Variants in PLCXD3 observed in about 807,000 individuals in gnomAD.
PLCXD3 encodes phosphatidylinositol specific phospholipase C X domain containing 3.
In PLCXD3, 19 loss-of-function variants were observed where a neutral mutation model predicts 25.5. The ratio of observed to expected loss-of-function variants is 0.75; its 90% CI spans 0.52 to 1.09. PLCXD3 has a LOEUF of 1.09. Ranked by LOEUF, PLCXD3 falls within the 50% of genes least tolerant of loss-of-function variation. The pLI is 0.00. For synonymous variants in PLCXD3, 174 were observed against 137.6 expected, an observed-to-expected ratio of 1.26 and a Z score of -1.85; for missense variants, 411 against 388.1, an observed-to-expected ratio of 1.06 and a Z score of -0.50.
chr5:41,451,537 T>C (rs1747631230), intron 1 of PLCXD3, among the ~76,000 whole-genome samples: 1 of 151,962 alleles, frequency 6.6e-6, no homozygotes, highest in Non-Finnish European at 1.5e-5. Context: ...CCTAAATGTA[T>C]ATGCAGAGAG....
chr5:41,330,420 A>C (rs1030228924), intron 2 of PLCXD3, among the ~76,000 whole-genome samples: 1 of 152,268 alleles, frequency 6.6e-6, no homozygotes, highest in East Asian at 1.9e-4. Flanking sequence ...TCTGAATAGA[A>C]CAATAACAGG....
At chr5:41,473,148 T>G (rs1241082752) in intron 1 of PLCXD3, among the ~76,000 whole-genome samples, 1 of 152,112 alleles carries the variant, frequency 6.6e-6, no homozygotes, top group East Asian at 1.9e-4. Flanking sequence ...TGCCTGGTAT[T>G]AAAAATTAGC....
At chr5:41,467,433 CTTAT>C (rs1181319826) in intron 1 of PLCXD3, among the ~76,000 whole-genome samples, 4 of 151,974 alleles carry the variant, frequency 2.6e-5, no homozygotes, top group Non-Finnish European at 4.4e-5. Context: ...GTTTGAGTTT[CTTAT>C]TTTTTTGGAT....
intron 1 of PLCXD3, among the ~76,000 whole-genome samples, chr5:41,507,522 C>T (rs372109650): frequency 2.8e-4 from 43 of 152,294 alleles, no homozygotes; most frequent in African/African-American, 1.0e-3. Context: ...ACTCTGAAAC[C>T]ATTCAAACTG....
At chr5:41,483,939 T>TG (rs1748464358) in intron 1 of PLCXD3, among the ~76,000 whole-genome samples, 1 of 152,114 alleles carries the variant, frequency 6.6e-6, no homozygotes, top group Non-Finnish European at 1.5e-5. Flanking sequence ...ATCTTGGTAT[T>TG]CTCATACATA....
intron 2 of PLCXD3, among the ~76,000 whole-genome samples, chr5:41,315,525 G>A (rs1404781066): frequency 3.3e-5 from 5 of 152,080 alleles, no homozygotes; most frequent in African/African-American, 7.2e-5. Flanking sequence ...CAAGGTCATC[G>A]TCCTTCCTGC....
intron 1 of PLCXD3, among the ~76,000 whole-genome samples, chr5:41,424,804 T>G (rs865799630): frequency 6.6e-6 from 1 of 152,226 alleles, no homozygotes; most frequent in Non-Finnish European, 1.5e-5. Flanking sequence ...TATTTAAATA[T>G]GCTTCAAGTG....
In PLCXD3 at chr5:41,427,902, A is replaced by T. The variant is rs141686227; in HGVS notation, c.104-45368T>A. Among the ~76,000 whole-genome samples, 5 of 152,314 alleles carry T rather than the reference A, an allele frequency of 3.3e-5. No individual in the cohort carries two copies. The East Asian group carries it at 9.6e-4, about 29-fold the overall frequency. ...AGGCACATGGGAAACATATTTTTTA[A>T]TGTAATCAAAATCAGAACAGAAACA... On this transcript the variant is annotated intron_variant, in intron 1 of 2. Transcript: ENST00000377801.
At chr5:41,350,849 C>G (rs1744438342) in intron 2 of PLCXD3, among the ~76,000 whole-genome samples, 1 of 152,036 alleles carries the variant, frequency 6.6e-6, no homozygotes, top group Non-Finnish European at 1.5e-5. Context: ...CGTTTTATGT[C>G]TTTGTTTTTT....
At chr5:41,346,218 A>G (rs1186686313) in intron 2 of PLCXD3, among the ~76,000 whole-genome samples, 1 of 152,230 alleles carries the variant, frequency 6.6e-6, no homozygotes, top group East Asian at 1.9e-4. Flanking sequence ...TTACCCAGAA[A>G]GTACAGAGAG....
At chr5:41,328,706 C>T (rs1046860650) in intron 2 of PLCXD3, among the ~76,000 whole-genome samples, 1 of 152,130 alleles carries the variant, frequency 6.6e-6, no homozygotes, top group Non-Finnish European at 1.5e-5. Flanking sequence ...CAGAAAACCT[C>T]CCTCCTTCAA....
intron 1 of PLCXD3, among the ~76,000 whole-genome samples, chr5:41,489,923 G>T (rs1309249999): frequency 9.3e-4 from 141 of 151,874 alleles, no homozygotes; most frequent in African/African-American, 3.2e-3. Context: ...GAATACCCTT[G>T]ATTTCCTTCT....
chr5:41,373,594 C>A (rs976201331), intron 2 of PLCXD3, among the ~76,000 whole-genome samples: 6 of 152,120 alleles, frequency 3.9e-5, no homozygotes, highest in African/African-American at 1.4e-4. Context: ...AGCCCGCAGG[C>A]CGCAATCCTT....
At position 41,313,306 on chromosome 5, in the gene PLCXD3, C is replaced by A; in HGVS notation, c.*311G>T. The A allele has an allele frequency of 7.2e-6, 2 of 276,368 alleles. No individual in the cohort carries two copies. The highest frequency in any genetic ancestry group is 6.9e-6 in the Non-Finnish European group (1 of 145,130). 17.1% of individuals were successfully genotyped at this position (276,368 alleles called of 1,614,324 possible). On this transcript the variant is annotated 3_prime_UTR_variant, in exon 3 of 3. Coordinates refer to ENST00000377801, the MANE Select transcript of PLCXD3 (RefSeq NM_001005473.3). ...GGAGTCATAGGCTGGAAATAGAGAA[C>A]CTAATCAAGTAAACACTCATGAATT... is the stretch of plus-strand genomic sequence containing the variant.
chr5:41,446,067 A>G (rs1747489215), intron 1 of PLCXD3, among the ~76,000 whole-genome samples: 1 of 147,404 alleles, frequency 6.8e-6, no homozygotes, highest in East Asian at 2.1e-4. Context: ...GGGCGCCTGT[A>G]GTCCCAGCTT....
At chr5:41,499,092 G>A (rs762282974) in intron 1 of PLCXD3, among the ~76,000 whole-genome samples, 1 of 151,190 alleles carries the variant, frequency 6.6e-6, no homozygotes, top group Non-Finnish European at 1.5e-5. Flanking sequence ...CAGGAAGAAG[G>A]CAAGGATGGC....
intron 2 of PLCXD3, among the ~76,000 whole-genome samples, chr5:41,337,387 A>G (rs1744016599): frequency 6.6e-6 from 1 of 152,164 alleles, no homozygotes; most frequent in Non-Finnish European, 1.5e-5. Flanking sequence ...TTCCAGTCCA[A>G]ACTGCCCAGC....
intron 1 of PLCXD3, among the ~76,000 whole-genome samples, chr5:41,470,996 T>C (rs1460713562): frequency 1.3e-5 from 2 of 152,150 alleles, no homozygotes; most frequent in Non-Finnish European, 2.9e-5. Context: ...AAAAGAGACC[T>C]CAGTATAGAA....
chr5:41,506,127 C>T (rs1426637047), intron 1 of PLCXD3, among the ~76,000 whole-genome samples: 1 of 152,100 alleles, frequency 6.6e-6, no homozygotes, highest in African/African-American at 2.4e-5. Context: ...CTACCAAGCC[C>T]ACATGTATGC....
Sources: gnomAD v4.1 joint callset for allele counts (sites outside exome capture counted in the v4.1 genomes callset) on GRCh38, gnomAD v4.1.1 for gene constraint, MANE v1.5 for transcripts, NCBI Gene and HGNC (gene_info 2026-07-23, HGNC 2026-07-21) for gene names.